NCKAP5: variants seen among roughly 807,000 people sequenced by gnomAD.
NCKAP5 encodes the protein nck-associated protein 5.
Under a neutral mutation model 167.0 loss-of-function variants are expected in NCKAP5, and 92 were observed. The observed-to-expected ratio is 0.55, with a 90% CI of 0.47 to 0.66. The LOEUF (loss-of-function observed/expected upper bound fraction) is 0.66, where lower values mean the gene tolerates loss of function less well. Among genes scored for constraint, NCKAP5 ranks in the 30% least tolerant of loss-of-function variants. The pLI, the probability that NCKAP5 is intolerant of heterozygous loss-of-function variation, is 0.00. For synonymous variants in NCKAP5, 891 were observed against 877.4 expected, an observed-to-expected ratio of 1.02 and a Z score of -0.27; for missense variants, 2,378 against 2,315.0, an observed-to-expected ratio of 1.03 and a Z score of -0.56.
chr2:132,921,007 C>T (rs1695383919), intron 8 of NCKAP5, among the ~76,000 whole-genome samples: 1 of 151,050 alleles, frequency 6.6e-6, no homozygotes. Flanking sequence ...ACTCCCAGCC[C>T]ACTAGTGTGA....
intron 11 of NCKAP5, among the ~76,000 whole-genome samples, chr2:132,807,257 T>C (rs1685512894): frequency 6.6e-6 from 1 of 152,174 alleles, no homozygotes; most frequent in South Asian, 2.1e-4. Context: ...TATGGTTCCA[T>C]ATGAATTTTA....
At chr2:133,583,120 TA>T in the NCKAP5 span, among the ~76,000 whole-genome samples, 3 of 144,700 alleles carry the variant, frequency 2.1e-5, no homozygotes, top group South Asian at 2.2e-4. Flanking sequence ...CCAGAGATGA[TA>T]AAAAAATATA....
intron 8 of NCKAP5, among the ~76,000 whole-genome samples, chr2:132,884,107 C>T (rs914192456): frequency 6.6e-6 from 1 of 152,174 alleles, no homozygotes; most frequent in East Asian, 1.9e-4. Flanking sequence ...TGGCTTTGAC[C>T]TTGTTGCTCT....
chr2:133,318,454 A>G (rs1378683686), intron 3 of NCKAP5, among the ~76,000 whole-genome samples: 3 of 152,182 alleles, frequency 2.0e-5, no homozygotes, highest in African/African-American at 4.8e-5. Flanking sequence ...TGTGATTAAA[A>G]AGTGCTTTTA....
At chr2:132,749,383 T>C (rs1679915321) in intron 16 of NCKAP5, among the ~76,000 whole-genome samples, 1 of 152,112 alleles carries the variant, frequency 6.6e-6, no homozygotes, top group African/African-American at 2.4e-5. Flanking sequence ...TTTGTATTTT[T>C]TGTAGAGACA....
chr2:132,893,576 A>T (rs1692898419), intron 8 of NCKAP5, among the ~76,000 whole-genome samples: 1 of 152,222 alleles, frequency 6.6e-6, no homozygotes, highest in Admixed American at 6.5e-5. Flanking sequence ...TTCCAACATG[A>T]TTCTACATAC....
intron 3 of NCKAP5, among the ~76,000 whole-genome samples, chr2:133,476,710 T>C (rs1410481629): frequency 6.6e-6 from 1 of 152,232 alleles, no homozygotes; most frequent in East Asian, 1.9e-4. Flanking sequence ...TAGAGCCATC[T>C]GTCTTCGGTT....
intron 6 of NCKAP5, among the ~76,000 whole-genome samples, chr2:133,012,282 C>G (rs1410309822): frequency 8.5e-5 from 13 of 152,278 alleles, no homozygotes; most frequent in Non-Finnish European, 1.5e-5. Context: ...GAGTCTTGCT[C>G]TGTCACCCAG....
intron 6 of NCKAP5, among the ~76,000 whole-genome samples, chr2:133,014,976 C>A (rs923303618): frequency 6.6e-6 from 1 of 152,168 alleles, no homozygotes; most frequent in African/African-American, 2.4e-5. Context: ...ACCTAATAAA[C>A]ACATTAAAGT....
At chr2:133,103,623 G>A (rs755926267) in intron 6 of NCKAP5, among the ~76,000 whole-genome samples, 6 of 152,092 alleles carry the variant, frequency 3.9e-5, no homozygotes, top group Non-Finnish European at 7.4e-5. Flanking sequence ...GCAAGACCCT[G>A]TCTCTACAAA....
At chr2:133,621,491 G>A in the NCKAP5 span, among the ~76,000 whole-genome samples, 1 of 151,948 alleles carries the variant, frequency 6.6e-6, no homozygotes, top group Middle Eastern at 3.2e-3. Context: ...GCTACTATGA[G>A]CACCTTTATT....
chr2:133,192,477 G>A (rs1489450437), intron 5 of NCKAP5, among the ~76,000 whole-genome samples: 1 of 151,926 alleles, frequency 6.6e-6, no homozygotes, highest in Non-Finnish European at 1.5e-5. Context: ...GTTATACACT[G>A]GGAGAAAACA....
intron 3 of NCKAP5, among the ~76,000 whole-genome samples, chr2:133,403,198 A>T (rs1688209547): frequency 6.6e-6 from 1 of 152,240 alleles, no homozygotes; most frequent in African/African-American, 2.4e-5. Flanking sequence ...TTTCAAGACA[A>T]ATAATGTAAA....
In NCKAP5 at chr2:133,136,413, G is replaced by A. The variant is rs139756891; in HGVS notation, c.208-6302C>T. 2.4e-3 allele frequency among the ~76,000 whole-genome samples: 372 copies of A among 152,248 alleles called. 2 individuals carry two copies. The highest frequency in any genetic ancestry group is 0.017 in the Admixed American group (257 of 15,294). ...CCACATTATGTGGCATATATTTGAC[G>A]AAACATATCAGGCATAACAAGAGGC... On this transcript the variant is annotated intron_variant, in intron 5 of 19. Transcript: ENST00000409261.
chr2:133,597,080 T>G, the NCKAP5 span, among the ~76,000 whole-genome samples: 1 of 152,306 alleles, frequency 6.6e-6, no homozygotes, highest in Non-Finnish European at 1.5e-5. Context: ...CTAATCAAAT[T>G]GCCAGTGGCA....
chr2:132,827,884 T>A (rs1409833403), intron 11 of NCKAP5, among the ~76,000 whole-genome samples: 2 of 152,190 alleles, frequency 1.3e-5, no homozygotes, highest in Non-Finnish European at 2.9e-5. Context: ...CTTGGGTTTT[T>A]CAAAGCCCTT....
At chr2:133,339,019 C>CA (rs1327299665) in intron 3 of NCKAP5, among the ~76,000 whole-genome samples, 1 of 151,966 alleles carries the variant, frequency 6.6e-6, no homozygotes, top group African/African-American at 2.4e-5. Context: ...GACTCCATCT[C>CA]AAAAAACATA....
At chr2:133,075,810 A>G (rs2080581901) in intron 6 of NCKAP5, among the ~76,000 whole-genome samples, 1 of 152,136 alleles carries the variant, frequency 6.6e-6, no homozygotes, top group Admixed American at 6.5e-5. Context: ...AGAAAGCAAA[A>G]GATGGGAGAA....
chr2:133,436,566 T>C (rs1261673305), intron 3 of NCKAP5, among the ~76,000 whole-genome samples: 1 of 152,180 alleles, frequency 6.6e-6, no homozygotes, highest in East Asian at 1.9e-4. Flanking sequence ...TGTACTGACA[T>C]TCTCGGCCTC....
Sources: allele counts gnomAD v4.1 joint callset (sites outside exome capture counted in the v4.1 genomes callset), GRCh38; gene constraint gnomAD v4.1.1; transcripts MANE v1.5; gene names NCBI Gene and HGNC (gene_info 2026-07-23, HGNC 2026-07-21).